ANKIB1: variants seen among roughly 807,000 people sequenced by gnomAD.
ANKIB1 encodes ankyrin repeat and IBR domain-containing protein 1.
A neutral mutation model predicts 122.1 loss-of-function variants in ANKIB1; 43 were observed. The ratio of observed to expected loss-of-function variants is 0.35; its 90% CI spans 0.28 to 0.45. The LOEUF (loss-of-function observed/expected upper bound fraction) is 0.45. Ranked by LOEUF, ANKIB1 falls within the 20% of genes least tolerant of loss-of-function variation. ANKIB1 has a pLI of 1.00. For synonymous variants in ANKIB1, 390 were observed against 442.0 expected (o/e 0.88, Z 1.48); for missense variants, 992 against 1,329.5 (o/e 0.75, Z 3.95).
At chr7:92,343,309 C>A in intron 6 of ANKIB1, 77 bp downstream of exon 6, 1 of 1,314,608 alleles carries the variant, frequency 7.6e-7, no homozygotes, top group Non-Finnish European at 1.1e-6. Context: ...AATATTGTTC[C>A]ATGGAGTGTC....
intron 14 of ANKIB1, among the ~76,000 whole-genome samples, chr7:92,389,668 T>C (rs971884283): frequency 6.6e-6 from 1 of 152,252 alleles, no homozygotes; most frequent in Middle Eastern, 3.4e-3. Flanking sequence ...AAAGCTAGAT[T>C]TGCTTACCAA....
chr7:92,257,891 A>T (rs1409298549), intron 1 of ANKIB1, among the ~76,000 whole-genome samples: 1 of 152,228 alleles, frequency 6.6e-6, no homozygotes, highest in East Asian at 1.9e-4. Context: ...GGCCTTGTAA[A>T]GATGGCTAAT....
At chr7:92,327,454 G>T (rs1803051841) in intron 4 of ANKIB1, among the ~76,000 whole-genome samples, 1 of 152,236 alleles carries the variant, frequency 6.6e-6, no homozygotes, top group South Asian at 2.1e-4. Flanking sequence ...ATGTAAAATG[G>T]GGTATAGTAT....
intron 19 of ANKIB1, 92 bp from the exon 20 acceptor site, chr7:92,398,120 T>C: frequency 7.6e-7 from 1 of 1,314,862 alleles, no homozygotes; most frequent in South Asian, 1.8e-5. Flanking sequence ...AAATTAATAA[T>C]CTGTTGGTAA....
At chr7:92,341,608 A>G (rs1803442236) in intron 5 of ANKIB1, among the ~76,000 whole-genome samples, 1 of 152,238 alleles carries the variant, frequency 6.6e-6, no homozygotes, top group African/African-American at 2.4e-5. Flanking sequence ...ATAATGTTAA[A>G]TAAGTTTACT....
Position 92,295,166 on chromosome 7 carries a change from G to T in ANKIB1, c.188G>T (p.Gly63Val). 6.5e-7 allele frequency: 1 copy of T among 1,532,514 alleles called. No individual in the cohort carries two copies. The highest frequency in any genetic ancestry group is 1.2e-5 in the South Asian group (1 of 80,602). 94.9% of individuals were successfully genotyped at this position (1,532,514 alleles called of 1,614,324 possible). A position where few individuals can be genotyped will look rare whatever the true frequency, so the allele number is the denominator to read the frequency against. Residue 63 changes from glycine (G) to valine (V), a missense_variant and splice_region_variant, in exon 2 of 20, where the codon GGG becomes GTG. Around this residue, in one of 4 missense-constraint regions of ANKIB1, gnomAD observed 54 missense variants for 112.3 expected, o/e 0.48. Transcript: ENST00000265742. ...AARHGMNKIL[G>V]TFLGRDGNPN... ...AGACATGGAATGAATAAAATATTAG[G>T]GTAAGTATTACTATAAACTAATTGG...
intron 5 of ANKIB1, among the ~76,000 whole-genome samples, chr7:92,329,923 C>A (rs1050334733): frequency 3.3e-5 from 5 of 152,188 alleles, no homozygotes; most frequent in African/African-American, 1.2e-4. Flanking sequence ...CTCATACTGC[C>A]ACTATTGTGT....
chr7:92,338,928 AAAAAAAT>A (rs1803360621), intron 5 of ANKIB1, among the ~76,000 whole-genome samples: 2 of 42,884 alleles, frequency 4.7e-5, no homozygotes, highest in African/African-American at 7.8e-5. Flanking sequence ...AAAAAAAAAA[AAAAAAAT>A]ATATATATAT....
rs1166518968 is a variant in ANKIB1 at position 92,398,309 on chromosome 7, A to T, written c.2630A>T (p.Asp877Val). The T allele has an allele frequency of 6.2e-7, 1 of 1,613,724 alleles. No individual in the cohort carries two copies. Among genetic ancestry groups the T allele is most frequent in the Non-Finnish European group, 8.5e-7 (1 of 1,179,784 alleles). Residue 877 changes from aspartate (D) to valine (V), a missense_variant, in exon 20 of 20, where the codon GAC (aspartate) becomes GTC (valine). Asp to Val is a radical substitution (Grantham distance 152). This residue lies in a region of ANKIB1 where 384 missense variants were observed against 412.0 expected (regional missense o/e 0.93). Transcript: ENST00000265742. ...CTGGCCCTCGATGAAGAAACTAGAG[A>T]CTTCCTCAGTAATGAAGCATCCTTA... ...SGLALDEETR[D>V]FLSNEASLGA...
rs1804203040 is a variant in ANKIB1, at chr7:92,370,165, A to T, written c.1487-1312A>T. Among the ~76,000 whole-genome samples, 4 of 152,238 alleles carry T rather than the reference A, an allele frequency of 2.6e-5. No individual in the cohort carries two copies. In the South Asian group the frequency reaches 8.3e-4, roughly 32 times the overall value. ...ATTTTAAGTGGTGTGTATTCTAAAA[A>T]GATCACTGTGGGATGGGTGGCTGGC... On this transcript the variant is annotated intron_variant, in intron 10 of 19. Transcript: ENST00000265742.
chr7:92,346,915 A>T (rs117056067), intron 7 of ANKIB1, among the ~76,000 whole-genome samples: 2,306 of 152,330 alleles, frequency 0.015, 33 homozygotes, highest in South Asian at 0.049. Context: ...TGGTTTCCTT[A>T]GTACCTTCTA....
intron 5 of ANKIB1, among the ~76,000 whole-genome samples, chr7:92,332,027 A>G (rs976953071): frequency 8.5e-5 from 13 of 152,182 alleles, no homozygotes; most frequent in Non-Finnish European, 2.9e-5. Context: ...CTCCATTGAT[A>G]TTTCCCTAAA....
intron 1 of ANKIB1, among the ~76,000 whole-genome samples, chr7:92,254,920 T>C (rs186939115): frequency 1.4e-4 from 22 of 152,302 alleles, no homozygotes; most frequent in African/African-American, 4.6e-4. Flanking sequence ...AATTGAATCA[T>C]AGCATGAGGG....
intron 1 of ANKIB1, among the ~76,000 whole-genome samples, chr7:92,252,756 CT>C (rs1319039055): frequency 1.3e-5 from 2 of 152,184 alleles, no homozygotes; most frequent in Middle Eastern, 3.4e-3. Context: ...TATCATGCCC[CT>C]ATCTCATTGA....
chr7:92,257,603 A>C (rs571009680), intron 1 of ANKIB1, among the ~76,000 whole-genome samples: 1 of 152,206 alleles, frequency 6.6e-6, no homozygotes, highest in South Asian at 2.1e-4. Context: ...GACCAGCCTG[A>C]CCAACATGGA....
chr7:92,353,852 C>T (rs968604610), intron 9 of ANKIB1, among the ~76,000 whole-genome samples: 1 of 152,138 alleles, frequency 6.6e-6, no homozygotes, highest in African/African-American at 2.4e-5. Context: ...GAGACAGAGA[C>T]TTCATGGCCC....
chr7:92,386,766 C>T (rs1186297123), intron 12 of ANKIB1, 123 bp downstream of exon 12: 1 of 956,408 alleles, frequency 1.0e-6, no homozygotes, highest in Admixed American at 4.2e-5. Context: ...TTTATTATAG[C>T]CTTTAATTTC....
intron 1 of ANKIB1, among the ~76,000 whole-genome samples, chr7:92,259,583 A>G (rs886385141): frequency 2.0e-5 from 3 of 152,208 alleles, no homozygotes; most frequent in Non-Finnish European, 4.4e-5. Context: ...TAAACTTTTT[A>G]TACAGCAATT....
chr7:92,265,414 G>A (rs1285732756), intron 1 of ANKIB1, among the ~76,000 whole-genome samples: 3 of 152,178 alleles, frequency 2.0e-5, no homozygotes, highest in African/African-American at 7.2e-5. Context: ...GAAAAAAAAA[G>A]AGGAAAAAAG....
Sources: gnomAD v4.1 joint callset for allele counts (sites outside exome capture counted in the v4.1 genomes callset) on GRCh38, gnomAD v4.1.1 for gene constraint, gnomAD v4.1.1 regional missense constraint, MANE v1.5 for transcripts, NCBI Gene and HGNC (gene_info 2026-07-23, HGNC 2026-07-21) for gene names.